The following FRMD4A variants were observed in gnomAD, a reference collection of about 807,000 sequenced individuals.
FRMD4A encodes FERM domain-containing protein 4A.
FRMD4A carries 29 observed loss-of-function variants against 129.1 expected under a neutral mutation model. The ratio of observed to expected loss-of-function variants is 0.22; its 90% CI spans 0.17 to 0.31. FRMD4A has a LOEUF of 0.31. FRMD4A is among the 10% of genes least tolerant of loss of function. The pLI, the probability that FRMD4A is intolerant of heterozygous loss-of-function variation, is 1.00. For missense variants in FRMD4A, 1,272 were observed against 1,375.8 expected (o/e 0.92, Z 1.19); for synonymous variants, 634 against 571.6 (o/e 1.11, Z -1.56).
chr10:14,196,350 C>T (rs995380215), intron 2 of FRMD4A, among the ~76,000 whole-genome samples: 3 of 152,178 alleles, frequency 2.0e-5, no homozygotes, highest in Non-Finnish European at 4.4e-5. Context: ...CCAGGCTGAC[C>T]TTCACCCATG....
At chr10:13,733,602 A>G (rs970986056) in intron 12 of FRMD4A, among the ~76,000 whole-genome samples, 2 of 152,130 alleles carry the variant, frequency 1.3e-5, no homozygotes, top group African/African-American at 4.8e-5. Context: ...CTAATTTTGT[A>G]TTTTTAGTAG....
intron 2 of FRMD4A, among the ~76,000 whole-genome samples, chr10:13,882,029 G>C (rs1460667096): frequency 1.8e-5 from 1 of 54,894 alleles, no homozygotes; most frequent in Admixed American, 1.8e-4. Context: ...GTGTGTGTGT[G>C]TGTGTGTGTG....
At chr10:14,136,681 G>A (rs901471633) in intron 2 of FRMD4A, among the ~76,000 whole-genome samples, 9 of 140,394 alleles carry the variant, frequency 6.4e-5, no homozygotes, top group South Asian at 5.3e-4. Context: ...ATCCCCACCC[G>A]CTTCCAGTTG....
At chr10:13,778,734 C>T (rs2092664191) in intron 6 of FRMD4A, among the ~76,000 whole-genome samples, 1 of 152,148 alleles carries the variant, frequency 6.6e-6, no homozygotes, top group East Asian at 1.9e-4. Context: ...ATCCATCCAT[C>T]GAACACCTCA....
At chr10:14,142,429 G>A (rs1035320839) in intron 2 of FRMD4A, among the ~76,000 whole-genome samples, 7 of 152,208 alleles carry the variant, frequency 4.6e-5, no homozygotes, top group African/African-American at 1.7e-4. Flanking sequence ...GCTTCTTAAA[G>A]TCTGACTACT....
At chr10:13,738,011 G>T (rs1031389018) in intron 11 of FRMD4A, 81 bp from the exon 12 acceptor site, 5 of 789,154 alleles carry the variant, frequency 6.3e-6, no homozygotes, top group Non-Finnish European at 1.1e-5. Context: ...CTGGCTCAGG[G>T]GCAGACGAGG....
At chr10:13,849,896 G>A (rs562168327) in intron 3 of FRMD4A, among the ~76,000 whole-genome samples, 103 of 151,938 alleles carry the variant, frequency 6.8e-4, no homozygotes, top group Middle Eastern at 3.4e-3. Context: ...TAGGCCGGGC[G>A]CAGTGGCTCA....
At chr10:13,795,134 A>G (rs1422414103) in intron 5 of FRMD4A, among the ~76,000 whole-genome samples, 1 of 152,112 alleles carries the variant, frequency 6.6e-6, no homozygotes, top group Non-Finnish European at 1.5e-5. Context: ...TGGTAAATGC[A>G]CTCATCCACC....
chr10:13,945,250 C>T (rs777137608), intron 2 of FRMD4A, among the ~76,000 whole-genome samples: 1 of 152,148 alleles, frequency 6.6e-6, no homozygotes, highest in Non-Finnish European at 1.5e-5. Context: ...TATTTTCTCT[C>T]CAGTAAAATT....
intron 2 of FRMD4A, among the ~76,000 whole-genome samples, chr10:14,323,770 T>C (rs537458663): frequency 1.1e-4 from 16 of 152,312 alleles, no homozygotes; most frequent in Non-Finnish European, 1.9e-4. Context: ...GTCAGAAATC[T>C]CCATCTCTGT....
intron 2 of FRMD4A, among the ~76,000 whole-genome samples, chr10:13,969,262 C>G (rs1443973395): frequency 4.6e-5 from 7 of 152,226 alleles, no homozygotes; most frequent in African/African-American, 1.7e-4. Flanking sequence ...TACCTCCCAG[C>G]TGCCTGGGTT....
intron 3 of FRMD4A, among the ~76,000 whole-genome samples, chr10:13,830,489 C>T (rs1370210164): frequency 6.6e-6 from 1 of 152,250 alleles, no homozygotes; most frequent in Non-Finnish European, 1.5e-5. Context: ...GGTCAAGGTT[C>T]TTGTCCTGAC....
At position 13,746,334 on chromosome 10, in the gene FRMD4A, T is replaced by C. The variant is rs532660064; in HGVS notation, c.548+1402A>G. 2.6e-5 allele frequency among the ~76,000 whole-genome samples: 4 copies of C among 152,192 alleles called. No homozygotes were observed. In the East Asian group the frequency reaches 7.7e-4, roughly 29 times the overall value. On this transcript the variant is annotated intron_variant, in intron 9 of 24. Transcript: ENST00000357447. ...CAAGTGATTCTCCTGCCTCAGCCTC[T>C]TGAGTAGCTGGGACACCAGGCGCGC...
At chr10:14,095,460 A>G (rs1035348249) in intron 2 of FRMD4A, among the ~76,000 whole-genome samples, 5 of 152,230 alleles carry the variant, frequency 3.3e-5, no homozygotes, top group African/African-American at 1.2e-4. Flanking sequence ...TGTCGATTGA[A>G]TTGGAAGGCT....
At chr10:13,733,515 C>T (rs149751785) in intron 12 of FRMD4A, among the ~76,000 whole-genome samples, 1,875 of 152,272 alleles carry the variant, frequency 0.012, 67 homozygotes, top group South Asian at 0.11. Flanking sequence ...CTCCGCCTCC[C>T]GGGTTCAAAT....
At chr10:13,665,055 G>C (rs2082912684) in intron 18 of FRMD4A, among the ~76,000 whole-genome samples, 3 of 152,086 alleles carry the variant, frequency 2.0e-5, no homozygotes. Context: ...GCTAATTTTT[G>C]TATTTTTAGT....
chr10:14,015,324 T>A (rs1382257292), intron 2 of FRMD4A, among the ~76,000 whole-genome samples: 1 of 142,334 alleles, frequency 7.0e-6, no homozygotes, highest in African/African-American at 2.6e-5. Flanking sequence ...CCCTTCCTCT[T>A]CTCTCCTTGC....
chr10:14,289,781 A>C (rs1379128654), intron 2 of FRMD4A, among the ~76,000 whole-genome samples: 1 of 152,074 alleles, frequency 6.6e-6, no homozygotes, highest in Non-Finnish European at 1.5e-5. Context: ...CAAAAGAAAT[A>C]AAATGTGTCC....
At chr10:14,049,184 G>A (rs1469975696) in intron 2 of FRMD4A, among the ~76,000 whole-genome samples, 1 of 152,196 alleles carries the variant, frequency 6.6e-6, no homozygotes, top group African/African-American at 2.4e-5. Flanking sequence ...GATAAGAGCA[G>A]CTGAGACTTT....
Sources: allele counts gnomAD v4.1 joint callset (sites outside exome capture counted in the v4.1 genomes callset), GRCh38; gene constraint gnomAD v4.1.1; transcripts MANE v1.5; gene names NCBI Gene and HGNC (gene_info 2026-07-23, HGNC 2026-07-21).